The following ANKRD24 variants were observed in gnomAD, a reference collection of about 807,000 sequenced individuals.
ANKRD24 encodes ankyrin repeat domain-containing protein 24.
ANKRD24 carries 109 observed loss-of-function variants against 127.8 expected under a neutral mutation model. The ratio of observed to expected loss-of-function variants is 0.85; its 90% CI spans 0.73 to 1.00. The LOEUF is 1.00. Ranked by LOEUF, ANKRD24 falls within the 50% of genes least tolerant of loss-of-function variation. ANKRD24 has a pLI of 0.00. For missense variants in ANKRD24, 1,648 were observed against 1,570.2 expected, an observed-to-expected ratio of 1.05 and a Z score of -0.84; for synonymous variants, 743 against 671.1, an observed-to-expected ratio of 1.11 and a Z score of -1.66.
At chr19:4,222,601 G>T (rs1189945559) in intron 19 of ANKRD24, 69 bp from the exon 20 acceptor site, 5 of 1,464,154 alleles carry the variant, frequency 3.4e-6, no homozygotes, top group African/African-American at 2.8e-5. Context: ...CTCTTCCTGC[G>T]GCTGCAGAGA....
chr19:4,197,669 A>G (rs1968825202), intron 2 of ANKRD24, among the ~76,000 whole-genome samples: 1 of 152,242 alleles, frequency 6.6e-6, no homozygotes, highest in South Asian at 2.1e-4. Flanking sequence ...GAATGAATGA[A>G]TGAATGGGTG....
chr19:4,207,613 C>T lies in ANKRD24; in HGVS notation c.644+6C>T. On this transcript the variant is annotated splice_donor_region_variant and intron_variant, in intron 9 of 21. Transcript: ENST00000318934. ...GATCAGGACCTGCAAGGCAGGTGAG[C>T]ATCTCCCCTCCCAGCCAGTCCACCC... 1 of 1,611,984 alleles carries T rather than the reference C, an allele frequency of 6.2e-7. No individual in the cohort carries two copies. Among genetic ancestry groups the T allele is most frequent in the South Asian group, 1.1e-5 (1 of 91,048 alleles).
chr19:4,204,105 AG>A (rs1471394762), intron 7 of ANKRD24, among the ~76,000 whole-genome samples: 1 of 151,646 alleles, frequency 6.6e-6, no homozygotes, highest in Non-Finnish European at 1.5e-5. Flanking sequence ...CGGGGACTAC[AG>A]GCGCCTGCCA....
In ANKRD24 at chr19:4,198,542, G is replaced by C. The variant is rs371471166; in HGVS notation, c.37-1141G>C. 8.8e-6 allele frequency: 5 copies of C among 569,564 alleles called. No homozygotes were observed. Among genetic ancestry groups the C allele is most frequent in the South Asian group, 2.0e-5 (1 of 50,554 alleles). 35.3% of individuals were successfully genotyped at this position (569,564 alleles called of 1,614,324 possible). On this transcript the variant is annotated intron_variant, in intron 2 of 21. Coordinates refer to ENST00000318934, the MANE Select transcript of ANKRD24 (RefSeq NM_001393985.1). This position sits in a 1 kb window ranked among gnomAD's most constrained non-coding sequence, Gnocchi z 6.1. ...AGCCGCCTCCTTCGCGGTAGGGCCC[G>C]GGGAGGGGGCGCAGGAGCGGGCGGG...
At chr19:4,186,594 T>A (rs1387566507) in intron 2 of ANKRD24, 133 bp downstream of exon 2, 1 of 1,031,968 alleles carries the variant, frequency 9.7e-7, no homozygotes, top group East Asian at 2.6e-5. Context: ...CCCCCTAGCG[T>A]CATGACCTCC....
chr19:4,187,584 A>T (rs1968142033), intron 2 of ANKRD24, among the ~76,000 whole-genome samples: 1 of 152,042 alleles, frequency 6.6e-6, no homozygotes, highest in Non-Finnish European at 1.5e-5. Context: ...TTCTTCCTCC[A>T]TTGTCCCCAT....
intron 19 of ANKRD24, among the ~76,000 whole-genome samples, chr19:4,221,362 C>G (rs969688962): frequency 1.3e-5 from 2 of 151,506 alleles, no homozygotes; most frequent in African/African-American, 4.9e-5. Context: ...GCCACCGTGC[C>G]TGGCCTGTTT....
rs1346810312 is a variant in ANKRD24, at chr19:4,195,179, T to G, written c.37-4504T>G. ...GCTCCGCCTCCCGGGTGCACGCCAT[T>G]CTCCTGCCTCAGTCTCCCGAGTAGC... is the stretch of plus-strand genomic sequence containing the variant. On this transcript the variant is annotated intron_variant, in intron 2 of 21. Coordinates refer to ENST00000318934, the MANE Select transcript of ANKRD24 (RefSeq NM_001393985.1). The surrounding 1 kb of genome is among the most constrained non-coding windows in gnomAD (Gnocchi z 4.2). Among the ~76,000 whole-genome samples, 2 of 152,026 alleles carry G rather than the reference T, an allele frequency of 1.3e-5. No individual in the cohort carries two copies. Among genetic ancestry groups the G allele is most frequent in the Non-Finnish European group, 2.9e-5 (2 of 68,002 alleles).
chr19:4,219,780 C>T (rs1555720655), intron 19 of ANKRD24, 22 bp downstream of exon 19: 5 of 1,583,234 alleles, frequency 3.2e-6, no homozygotes, highest in South Asian at 2.3e-5. Context: ...CTCTCCCACA[C>T]TCAGTCAGGG....
At chr19:4,197,444 TAATGAATG>T (rs1968812226) in intron 2 of ANKRD24, among the ~76,000 whole-genome samples, 1 of 151,916 alleles carries the variant, frequency 6.6e-6, no homozygotes, top group African/African-American at 2.4e-5. Flanking sequence ...GTGAGTGAAC[TAATGAATG>T]GATGAATGGG....
At chr19:4,203,957 CTT>C (rs34885254) in intron 7 of ANKRD24, among the ~76,000 whole-genome samples, 1,714 of 62,414 alleles carry the variant, frequency 0.027, 13 homozygotes, top group African/African-American at 0.054. Context: ...GCCCTTCTCC[CTT>C]TTTTTTTTTT....
Position 4,223,734 on chromosome 19 carries a change from T to A in ANKRD24, c.3298-393T>A, listed in dbSNP as rs1383723202. On this transcript the variant is annotated intron_variant, in intron 20 of 21. Coordinates refer to ENST00000318934, the MANE Select transcript of ANKRD24 (RefSeq NM_001393985.1). The stretch of plus-strand genomic sequence containing the variant: ...CATGTGCCACCACTCCCGGCTAATT[T>A]TTTTTACTTTTAGTAAAGACGGGGT... Among the ~76,000 whole-genome samples, 7 of 152,054 alleles carry A rather than the reference T, an allele frequency of 4.6e-5. No individual in the cohort carries two copies. The East Asian group carries it at 1.4e-3, about 29-fold the overall frequency.
rs540235633 is a variant in ANKRD24, at chr19:4,182,725, G to A, written c.-52G>A. The stretch of plus-strand genomic sequence containing the variant: ...GTTATCTGCTGTCAGAAGGAAGCCT[G>A]CCTCTTTGCATGCAGGTGTTTGCGG... On this transcript the variant is annotated 5_prime_UTR_variant, in exon 1 of 22. Transcript: ENST00000318934. The A allele has an allele frequency of 7.1e-7, 1 of 1,403,936 alleles. No individual in the cohort carries two copies. Among genetic ancestry groups the A allele is most frequent in the East Asian group, 2.9e-5 (1 of 34,558 alleles). The allele number at this position is 1,403,936 out of a possible 1,614,324, so 87.0% of individuals were successfully genotyped here.
chr19:4,199,605 G>C lies in ANKRD24; in HGVS notation c.37-78G>C, dbSNP rs1417514825. On this transcript the variant is annotated intron_variant, in intron 2 of 21. Coordinates refer to ENST00000318934, the MANE Select transcript of ANKRD24 (RefSeq NM_001393985.1). This position sits in a 1 kb window ranked among gnomAD's most constrained non-coding sequence, Gnocchi z 5.2. ...GTTGGACAACTGGGGTGATGGGCCT[G>C]GGGGCAGATGCTGGGGGTCGCAGGC... 3.4e-6 allele frequency: 5 copies of C among 1,461,636 alleles called. No homozygotes were observed. In the Admixed American group the frequency reaches 1.1e-4, roughly 32 times the overall value. 90.5% of individuals were successfully genotyped at this position (1,461,636 alleles called of 1,614,324 possible). A position where few individuals can be genotyped will look rare whatever the true frequency, so the allele number is the denominator to read the frequency against.
intron 13 of ANKRD24, 50 bp from the exon 14 acceptor site, chr19:4,212,425 G>T: frequency 6.4e-7 from 1 of 1,556,100 alleles, no homozygotes; most frequent in Non-Finnish European, 8.7e-7. Context: ...AGGTGGGGCA[G>T]GGAGGCCTCT....
chr19:4,188,169 C>T (rs1968174285), intron 2 of ANKRD24, among the ~76,000 whole-genome samples: 1 of 151,978 alleles, frequency 6.6e-6, no homozygotes, highest in Non-Finnish European at 1.5e-5. Flanking sequence ...CCTCCACCTC[C>T]CGGGTTCAAG....
intron 6 of ANKRD24, 42 bp from the exon 7 acceptor site, chr19:4,202,827 A>C: frequency 1.3e-6 from 2 of 1,557,696 alleles, no homozygotes; most frequent in Non-Finnish European, 1.7e-6. Flanking sequence ...ATCAGGCAGC[A>C]AGAAGGATGG....
Position 4,217,765 on chromosome 19 carries a change from A to C in ANKRD24, c.2605A>C (p.Thr869Pro). Residue 869 changes from threonine (T) to proline (P), a missense_variant, in exon 18 of 22, where the codon ACG (threonine) becomes CCG (proline). Physicochemically the swap from Thr to Pro is conservative, Grantham distance 38. Transcript: ENST00000318934. The part of the protein sequence containing the change: ...TARATGEQQR[T>P]AAAELGRARD... ...CAGGGCCACGGGGGAGCAGCAGCGCACGGCGGCCGCGGAACTGGGCCGGGC... is the reference window on the plus strand; with the variant it reads ...CAGGGCCACGGGGGAGCAGCAGCGCCCGGCGGCCGCGGAACTGGGCCGGGC... 7.7e-7 allele frequency: 1 copy of C among 1,303,182 alleles called. No homozygotes were observed. Among genetic ancestry groups the C allele is most frequent in the Non-Finnish European group, 9.7e-7 (1 of 1,029,616 alleles). 80.7% of individuals were successfully genotyped at this position (1,303,182 alleles called of 1,614,324 possible).
intron 1 of ANKRD24, among the ~76,000 whole-genome samples, chr19:4,185,311 G>T (rs894509737): frequency 1.3e-5 from 2 of 152,036 alleles, no homozygotes; most frequent in African/African-American, 4.8e-5. Context: ...GTTTGTGGGT[G>T]GTGGCCAGTG....
Sources: gnomAD v4.1 joint callset for allele counts (sites outside exome capture counted in the v4.1 genomes callset) on GRCh38, gnomAD v4.1.1 for gene constraint, Gnocchi (gnomAD v3.1) non-coding constraint, MANE v1.5 for transcripts, NCBI Gene and HGNC (gene_info 2026-07-23, HGNC 2026-07-21) for gene names.